WWTR1: variants seen among roughly 807,000 people sequenced by gnomAD.
WWTR1 encodes WW domain-containing transcription regulator protein 1.
In WWTR1, 13 loss-of-function variants were observed where a neutral mutation model predicts 40.1. The observed-to-expected ratio is 0.32, with a 90% CI of 0.21 to 0.52. The LOEUF (loss-of-function observed/expected upper bound fraction) is 0.52, where lower values mean the gene tolerates loss of function less well. Among genes scored for constraint, WWTR1 ranks in the 20% least tolerant of loss-of-function variants. The pLI is 0.97. For synonymous variants in WWTR1, 230 were observed against 210.1 expected, an observed-to-expected ratio of 1.09 and a Z score of -0.82; for missense variants, 436 against 523.1, an observed-to-expected ratio of 0.83 and a Z score of 1.63.
chr3:149,537,297 G>T (rs756043915), intron 4 of WWTR1, among the ~76,000 whole-genome samples: 4 of 152,070 alleles, frequency 2.6e-5, no homozygotes, highest in African/African-American at 4.8e-5. Context: ...CAACTTCATG[G>T]CTGACACAGA....
At position 149,561,710 on chromosome 3, in the gene WWTR1, T is replaced by C. The variant is rs1737083884; in HGVS notation, c.568+11154A>G. Among the ~76,000 whole-genome samples, 3 of 152,234 alleles carry C rather than the reference T, an allele frequency of 2.0e-5. No individual in the cohort carries two copies. The South Asian group carries it at 6.2e-4, about 32-fold the overall frequency. ...AACGGAGTGGAACATTACATATTGC[T>C]GACAAACAATGAACAAATCAGTAAG... is the stretch of plus-strand genomic sequence containing the variant. On this transcript the variant is annotated intron_variant, in intron 3 of 6. Coordinates refer to ENST00000360632, the MANE Select transcript of WWTR1 (RefSeq NM_015472.6).
At chr3:149,627,170 A>G (rs539096048) in intron 2 of WWTR1, among the ~76,000 whole-genome samples, 12 of 152,308 alleles carry the variant, frequency 7.9e-5, no homozygotes, top group Non-Finnish European at 8.8e-5. Flanking sequence ...CTAAAAATTT[A>G]CCTATTGTTT....
chr3:149,704,859 A>AAC (rs1553736190), upstream of WWTR1, among the ~76,000 whole-genome samples: 4 of 151,810 alleles, frequency 2.6e-5, no homozygotes, highest in Non-Finnish European at 5.9e-5. Flanking sequence ...AAAAAAAAAA[A>AAC]AACAACAACA....
intron 2 of WWTR1, among the ~76,000 whole-genome samples, chr3:149,634,846 T>C (rs774955543): frequency 1.3e-5 from 2 of 152,210 alleles, no homozygotes; most frequent in Non-Finnish European, 2.9e-5. Flanking sequence ...TGATTCTCAG[T>C]AGCTCACCCT....
intron 3 of WWTR1, among the ~76,000 whole-genome samples, chr3:149,567,128 C>A (rs1252457880): frequency 6.6e-6 from 1 of 151,144 alleles, no homozygotes; most frequent in Non-Finnish European, 1.5e-5. Context: ...CAAAAAGCCT[C>A]ATTAGTGTGT....
At chr3:149,653,100 G>T (rs1712992332) in intron 2 of WWTR1, among the ~76,000 whole-genome samples, 1 of 152,176 alleles carries the variant, frequency 6.6e-6, no homozygotes. Context: ...TTAAGAGGAG[G>T]ATAAAATCTT....
intron 5 of WWTR1, among the ~76,000 whole-genome samples, chr3:149,709,479 G>T (rs1481284583): frequency 5.9e-5 from 9 of 152,022 alleles, no homozygotes; most frequent in Admixed American, 5.9e-4. Flanking sequence ...TGTGGTTGCT[G>T]TTATTATTTT....
chr3:149,702,648 A>C (rs1036760811), intron 1 of WWTR1: 3 of 151,864 alleles, frequency 2.0e-5, no homozygotes, highest in Admixed American at 6.6e-5. Context: ...TCTTGACTTT[A>C]CTCTTGAAAC....
intron 1 of WWTR1, among the ~76,000 whole-genome samples, chr3:149,675,130 A>G (rs920343619): frequency 6.6e-6 from 1 of 152,166 alleles, no homozygotes; most frequent in Non-Finnish European, 1.5e-5. Flanking sequence ...TTGTTAGAAG[A>G]ACTCCAGTTT....
chr3:149,712,172 C>G (rs1715491558), intron 5 of WWTR1, among the ~76,000 whole-genome samples: 1 of 152,122 alleles, frequency 6.6e-6, no homozygotes, highest in South Asian at 2.1e-4. Context: ...TATCTGTAGT[C>G]CAACCTACTT....
chr3:149,540,507 G>T (rs955729659), intron 4 of WWTR1, among the ~76,000 whole-genome samples: 2 of 152,160 alleles, frequency 1.3e-5, no homozygotes, highest in Non-Finnish European at 2.9e-5. Context: ...ACTCACTAAA[G>T]CTCATTTAAG....
intron 1 of WWTR1, among the ~76,000 whole-genome samples, chr3:149,696,448 T>C (rs1329854922): frequency 2.0e-5 from 3 of 152,220 alleles, no homozygotes; most frequent in African/African-American, 7.2e-5. Flanking sequence ...TAAGTACTAA[T>C]AGTATCCCCA....
intron 2 of WWTR1, among the ~76,000 whole-genome samples, chr3:149,573,728 A>G (rs1737753996): frequency 6.6e-6 from 1 of 152,240 alleles, no homozygotes; most frequent in African/African-American, 2.4e-5. Context: ...GTTTGATCAC[A>G]TACAACTTCC....
intron 5 of WWTR1, among the ~76,000 whole-genome samples, chr3:149,714,230 T>C (rs933692773): frequency 6.6e-6 from 1 of 152,154 alleles, no homozygotes; most frequent in African/African-American, 2.4e-5. Flanking sequence ...GACACCGCTG[T>C]GGACATGGAC....
chr3:149,622,498 GAAGGAAGAAAGAAAGAAAGAAAGA>G (rs1287079770), intron 2 of WWTR1, among the ~76,000 whole-genome samples: 7 of 51,054 alleles, frequency 1.4e-4, no homozygotes, highest in South Asian at 1.3e-3. Context: ...AGGAAGGAAG[GAAGGAAGAAAGAAAGAAAGAAAGA>G]AAGAAAGAAA....
rs145886714 is a variant in WWTR1, at chr3:149,651,338, A to G, written c.431+5538T>C. ...AAAATGAGGGATAAACCAAAAAAAT[A>G]GGAAGACACGGGAAAAGGAAACAGC... On this transcript the variant is annotated intron_variant, in intron 2 of 6. Coordinates refer to ENST00000360632, the MANE Select transcript of WWTR1 (RefSeq NM_015472.6). Among the ~76,000 whole-genome samples, 75 of 152,284 alleles carry G rather than the reference A, an allele frequency of 4.9e-4. 1 individual carries two copies. In the East Asian group the frequency reaches 0.013, roughly 25 times the overall value.
At chr3:149,672,438 G>A (rs895431793) in intron 1 of WWTR1, among the ~76,000 whole-genome samples, 10 of 152,164 alleles carry the variant, frequency 6.6e-5, no homozygotes, top group Admixed American at 1.3e-4. Context: ...GGCTACCTAC[G>A]TACCCGAAGG....
At chr3:149,571,062 G>C (rs1461550716) in intron 3 of WWTR1, among the ~76,000 whole-genome samples, 3 of 152,016 alleles carry the variant, frequency 2.0e-5, no homozygotes, top group Non-Finnish European at 1.5e-5. Flanking sequence ...GGTGAAAAAA[G>C]CAAGATACAG....
chr3:149,638,766 TC>T (rs1711986962), intron 2 of WWTR1, among the ~76,000 whole-genome samples: 1 of 152,210 alleles, frequency 6.6e-6, no homozygotes, highest in Admixed American at 6.5e-5. Context: ...TTAAACATGC[TC>T]TTTTACAAAG....
Sources: allele counts gnomAD v4.1 joint callset (sites outside exome capture counted in the v4.1 genomes callset), GRCh38; gene constraint gnomAD v4.1.1; transcripts MANE v1.5; gene names NCBI Gene and HGNC (gene_info 2026-07-23, HGNC 2026-07-21).